Variants in MORF4L1 observed in about 807,000 individuals in gnomAD.
The protein encoded by MORF4L1 is mortality factor 4-like protein 1.
A neutral mutation model predicts 52.9 loss-of-function variants in MORF4L1; 4 were observed. That is an observed-to-expected ratio of 0.08 (90% CI 0.04 to 0.17). The LOEUF (loss-of-function observed/expected upper bound fraction) is 0.17, where lower values mean the gene tolerates loss of function less well. MORF4L1 is among the 10% of genes least tolerant of loss of function. The pLI is 1.00. For synonymous variants in MORF4L1, 123 were observed against 134.8 expected (o/e 0.91, Z 0.61); for missense variants, 214 against 390.4 (o/e 0.55, Z 3.81).
chr15:78,878,856 T>G (rs945829213), intron 2 of MORF4L1, among the ~76,000 whole-genome samples: 1 of 152,224 alleles, frequency 6.6e-6, no homozygotes, highest in Non-Finnish European at 1.5e-5. Context: ...TATTTAAGAC[T>G]TGACTATACC....
intron 10 of MORF4L1, 143 bp downstream of exon 10, chr15:78,894,373 C>T: frequency 3.4e-6 from 2 of 593,246 alleles, no homozygotes; most frequent in Admixed American, 7.5e-5. Context: ...AGCAAAATCT[C>T]TTTAGGAGCA....
At chr15:78,873,866 C>T (rs1753218622) in intron 1 of MORF4L1, 1 of 152,226 alleles carries the variant, frequency 6.6e-6, no homozygotes, top group African/African-American at 2.4e-5. Context: ...TTTGCAGTTG[C>T]TCGTAAAAAG....
chr15:78,882,186 G>C (rs1409878768), intron 3 of MORF4L1, among the ~76,000 whole-genome samples: 2 of 152,108 alleles, frequency 1.3e-5, no homozygotes, highest in African/African-American at 4.8e-5. Context: ...GTGAGGTGTG[G>C]TGGTGTGCAC....
rs76827756 is a variant in MORF4L1 at position 78,875,122 on chromosome 15, G to A, written c.40+2065G>A. Among the ~76,000 whole-genome samples, 1,483 of 152,246 alleles carry A rather than the reference G, an allele frequency of 9.7e-3. 23 individuals are homozygous for A. Among genetic ancestry groups the A allele is most frequent in the African/African-American group, 0.034 (1,417 of 41,536 alleles). On this transcript the variant is annotated intron_variant, in intron 1 of 11. Coordinates refer to ENST00000426013, the MANE Select transcript of MORF4L1 (RefSeq NM_006791.4). ...GTGACATTTAAAGTGTTTTGTTTCA[G>A]TACAGTTGGTTTCCTTTGTACTAGT...
At chr15:78,874,353 TA>T (rs147442945) in intron 1 of MORF4L1, among the ~76,000 whole-genome samples, 4,344 of 152,188 alleles carry the variant, frequency 0.029, 236 homozygotes, top group African/African-American at 0.099. Context: ...AAGGAGGTTT[TA>T]GGGGTATTTT....
At chr15:78,888,444 T>C (rs1360170998) in intron 5 of MORF4L1, among the ~76,000 whole-genome samples, 1 of 148,648 alleles carries the variant, frequency 6.7e-6, no homozygotes, top group Non-Finnish European at 1.5e-5. Flanking sequence ...TCCTGTCTTT[T>C]AAAAAGAAAA....
chr15:78,878,199 T>C lies in MORF4L1; in HGVS notation c.41-14T>C. The C allele has an allele frequency of 1.4e-5, 22 of 1,607,372 alleles. No individual in the cohort carries two copies. The highest frequency in any genetic ancestry group is 1.8e-5 in the Non-Finnish European group (21 of 1,177,752). On this transcript the variant is annotated splice_polypyrimidine_tract_variant and intron_variant, in intron 1 of 11. Transcript: ENST00000426013. ...AGAAGAAATTACAATTCAGTACTTT[T>C]TCTCCCTTTACAGGTGAGCGAGTGC...
chr15:78,890,162 G>C (rs1328271718), intron 5 of MORF4L1, among the ~76,000 whole-genome samples: 1 of 152,116 alleles, frequency 6.6e-6, no homozygotes, highest in African/African-American at 2.4e-5. Context: ...GGAGGTTGCA[G>C]TGAGCCGAGA....
chr15:78,874,177 T>C (rs2141582185), intron 1 of MORF4L1, among the ~76,000 whole-genome samples: 1 of 152,350 alleles, frequency 6.6e-6, no homozygotes, highest in South Asian at 2.1e-4. Flanking sequence ...AGGAACACTT[T>C]AACATTCCTT....
chr15:78,885,431 G>A lies in MORF4L1; in HGVS notation c.156-710G>A, dbSNP rs2056685027. ...TGTCTTAACATTTTTGAGAGAGTTG[G>A]TTCTGCCTTCTAATATTTAGAAAGC... is the stretch of plus-strand genomic sequence containing the variant. On this transcript the variant is annotated intron_variant, in intron 3 of 11. Coordinates refer to ENST00000426013, the MANE Select transcript of MORF4L1 (RefSeq NM_006791.4). 3.3e-5 allele frequency among the ~76,000 whole-genome samples: 5 copies of A among 152,200 alleles called. No homozygotes were observed. In the South Asian group the frequency reaches 1.0e-3, roughly 31 times the overall value.
intron 11 of MORF4L1, among the ~76,000 whole-genome samples, chr15:78,896,064 C>T (rs910237845): frequency 1.3e-4 from 20 of 152,070 alleles, no homozygotes; most frequent in Non-Finnish European, 1.9e-4. Flanking sequence ...CTACAACCTC[C>T]GCCTCTTGGG....
intron 3 of MORF4L1, among the ~76,000 whole-genome samples, chr15:78,883,606 T>C (rs973323785): frequency 4.6e-5 from 7 of 152,220 alleles, no homozygotes; most frequent in African/African-American, 1.4e-4. Flanking sequence ...TGACACATAT[T>C]AATTACTGTT....
At chr15:78,885,056 C>T in intron 3 of MORF4L1, 1 of 1,613,850 alleles carries the variant, frequency 6.2e-7, no homozygotes, top group Non-Finnish European at 8.5e-7. Flanking sequence ...GGAGCTCCCT[C>T]AGTACACCAC....
In MORF4L1 at chr15:78,891,131, G is replaced by T. The variant is rs757776472; in HGVS notation, c.349+117G>T. 3.3e-6 allele frequency: 4 copies of T among 1,207,772 alleles called. No individual in the cohort carries two copies. In the East Asian group the frequency reaches 1.1e-4, roughly 34 times the overall value. The allele number at this position is 1,207,772 out of a possible 1,614,324, so 74.8% of individuals were successfully genotyped here. Reference sequence around the variant, plus strand: ...TATGTTTATTGATTATCTCAAATAGGAGTCTCACAGCAGTGTTATAAAATA... The same window carrying T: ...TATGTTTATTGATTATCTCAAATAGTAGTCTCACAGCAGTGTTATAAAATA... On this transcript the variant is annotated intron_variant, in intron 6 of 11. Coordinates refer to ENST00000426013, the MANE Select transcript of MORF4L1 (RefSeq NM_006791.4).
intron 1 of MORF4L1, among the ~76,000 whole-genome samples, chr15:78,876,783 C>T (rs2056501009): frequency 6.6e-6 from 1 of 152,072 alleles, no homozygotes; most frequent in African/African-American, 2.4e-5. Context: ...ATTCGTAGGT[C>T]CAGCAGCCTC....
intron 3 of MORF4L1, among the ~76,000 whole-genome samples, chr15:78,883,153 T>A (rs2056632785): frequency 6.6e-6 from 1 of 150,724 alleles, no homozygotes; most frequent in Non-Finnish European, 1.5e-5. Context: ...AGGCGAAGGT[T>A]GCAGTGAGCT....
rs775499772 is a variant in MORF4L1, at chr15:78,878,174, A to T, written c.41-39A>T. On this transcript the variant is annotated intron_variant, in intron 1 of 11. Transcript: ENST00000426013. ...TAAGATGTTAATCTTTTTATATATG[A>T]GAAGAAATTACAATTCAGTACTTTT... 1.0e-5 allele frequency: 16 copies of T among 1,581,744 alleles called. No individual in the cohort carries two copies. The East Asian group carries it at 2.7e-4, about 27-fold the overall frequency.
intron 1 of MORF4L1, among the ~76,000 whole-genome samples, chr15:78,877,358 G>A (rs1022685817): frequency 6.6e-6 from 1 of 152,150 alleles, no homozygotes; most frequent in Non-Finnish European, 1.5e-5. Flanking sequence ...GACCTCAGGT[G>A]ATCCAGCCAC....
In MORF4L1 at chr15:78,894,666, C is replaced by T. The variant is rs965137958; in HGVS notation, c.803-154C>T. 9.6e-6 allele frequency: 6 copies of T among 624,492 alleles called. No homozygotes were observed. In the African/African-American group the frequency reaches 1.1e-4, roughly 12 times the overall value. The allele number at this position is 624,492 out of a possible 1,614,324, so 38.7% of individuals were successfully genotyped here. A position where few individuals can be genotyped will look rare whatever the true frequency, so the allele number is the denominator to read the frequency against. On this transcript the variant is annotated intron_variant, in intron 10 of 11. Coordinates refer to ENST00000426013, the MANE Select transcript of MORF4L1 (RefSeq NM_006791.4). ...TCAAGCGATCGCCTATCTCGGCCTC[C>T]CAAAGTGCTGGGATTACAGGCGTGA... is the stretch of plus-strand genomic sequence containing the variant.
Sources: allele counts gnomAD v4.1 joint callset (sites outside exome capture counted in the v4.1 genomes callset), GRCh38; gene constraint gnomAD v4.1.1; transcripts MANE v1.5; gene names NCBI Gene and HGNC (gene_info 2026-07-23, HGNC 2026-07-21).